ZNF385B: variants seen among roughly 807,000 people sequenced by gnomAD.
ZNF385B encodes the protein zinc finger protein 385B.
ZNF385B carries 23 observed loss-of-function variants against 39.2 expected under a neutral mutation model. That is an observed-to-expected ratio of 0.59 (90% CI 0.42 to 0.83). ZNF385B has a LOEUF of 0.83. ZNF385B is among the 40% of genes least tolerant of loss of function. ZNF385B has a pLI of 0.00. For synonymous variants in ZNF385B, 205 were observed against 222.6 expected (o/e 0.92, Z 0.70); for missense variants, 552 against 598.9 (o/e 0.92, Z 0.82).
At chr2:179,661,928 A>C (rs1339052437) in intron 3 of ZNF385B, among the ~76,000 whole-genome samples, 1 of 152,250 alleles carries the variant, frequency 6.6e-6, no homozygotes, top group East Asian at 1.9e-4. Context: ...TTGCCATTTA[A>C]AAATGGTTTT....
At chr2:179,780,262 C>T (rs967358792) in intron 1 of ZNF385B, among the ~76,000 whole-genome samples, 1 of 152,154 alleles carries the variant, frequency 6.6e-6, no homozygotes, top group Non-Finnish European at 1.5e-5. Context: ...GTCTCCTTAG[C>T]CCCTAGAAAA....
At chr2:179,713,796 T>C (rs1034380006) in intron 3 of ZNF385B, among the ~76,000 whole-genome samples, 1 of 152,210 alleles carries the variant, frequency 6.6e-6, no homozygotes, top group South Asian at 2.1e-4. Context: ...CTAAGTGTTA[T>C]CTAAAACACT....
At chr2:179,458,243 T>C (rs1330726845) in intron 6 of ZNF385B, among the ~76,000 whole-genome samples, 3 of 152,188 alleles carry the variant, frequency 2.0e-5, no homozygotes, top group Non-Finnish European at 4.4e-5. Flanking sequence ...TTTCTCATGC[T>C]GTTCTCGTGA....
intron 3 of ZNF385B, among the ~76,000 whole-genome samples, chr2:179,546,654 T>C (rs548440760): frequency 1.4e-4 from 21 of 152,330 alleles, no homozygotes; most frequent in Non-Finnish European, 1.5e-4. Context: ...TTCCAAATCT[T>C]GGCTATTGTG....
intron 6 of ZNF385B, among the ~76,000 whole-genome samples, chr2:179,458,470 C>G (rs905254144): frequency 4.6e-5 from 7 of 152,086 alleles, no homozygotes; most frequent in Non-Finnish European, 1.0e-4. Flanking sequence ...TGGACTAATA[C>G]AGAATATTAC....
At chr2:179,810,023 A>C (rs1030010663) in intron 1 of ZNF385B, among the ~76,000 whole-genome samples, 1 of 152,052 alleles carries the variant, frequency 6.6e-6, no homozygotes, top group African/African-American at 2.4e-5. Flanking sequence ...AAACAGAAAG[A>C]TTGATATATG....
At chr2:179,518,884 A>G (rs535858465) in intron 4 of ZNF385B, among the ~76,000 whole-genome samples, 47 of 152,364 alleles carry the variant, frequency 3.1e-4, no homozygotes, top group African/African-American at 8.2e-4. Flanking sequence ...GAGAATCACC[A>G]TATTTCCAGA....
chr2:179,581,747 G>T (rs34721549), intron 3 of ZNF385B, among the ~76,000 whole-genome samples: 31,818 of 152,124 alleles, frequency 0.21, 3,499 homozygotes, highest in Middle Eastern at 0.26. Context: ...CCACATGACT[G>T]GGTTCTGGCC....
chr2:179,616,775 C>T (rs1293189023), intron 3 of ZNF385B, among the ~76,000 whole-genome samples: 4 of 152,200 alleles, frequency 2.6e-5, no homozygotes, highest in Middle Eastern at 3.4e-3. Context: ...TGCCCAGGCT[C>T]ATCTTGAACC....
At chr2:179,678,999 G>T (rs1697239027) in intron 3 of ZNF385B, among the ~76,000 whole-genome samples, 3 of 152,098 alleles carry the variant, frequency 2.0e-5, no homozygotes. Flanking sequence ...TAGAAATTGT[G>T]CTTTCTTAGA....
chr2:179,471,966 TC>T (rs1261401256), intron 6 of ZNF385B, among the ~76,000 whole-genome samples: 1 of 152,228 alleles, frequency 6.6e-6, no homozygotes, highest in Non-Finnish European at 1.5e-5. Flanking sequence ...GTACTAATAA[TC>T]TTGTTTCCAT....
intron 1 of ZNF385B, among the ~76,000 whole-genome samples, chr2:179,818,324 G>A (rs899196151): frequency 1.3e-5 from 2 of 152,284 alleles, no homozygotes; most frequent in East Asian, 3.9e-4. Flanking sequence ...ATCCTAAAAT[G>A]ATTTAGCAGC....
intron 1 of ZNF385B, among the ~76,000 whole-genome samples, chr2:179,785,152 G>T (rs2106529688): frequency 1.3e-5 from 2 of 152,148 alleles, no homozygotes; most frequent in South Asian, 2.1e-4. Flanking sequence ...CATAAAGCAT[G>T]AAAACATGTA....
chr2:179,749,872 A>G (rs1361275499), intron 3 of ZNF385B, among the ~76,000 whole-genome samples: 1 of 152,164 alleles, frequency 6.6e-6, no homozygotes, highest in East Asian at 1.9e-4. Context: ...AGCAACTCTT[A>G]TCTTTTAATA....
intron 6 of ZNF385B, among the ~76,000 whole-genome samples, chr2:179,469,722 C>T (rs147006172): frequency 6.6e-5 from 10 of 152,176 alleles, no homozygotes; most frequent in Admixed American, 4.6e-4. Flanking sequence ...GATGCTTGAC[C>T]GAACTTGGGT....
chr2:179,503,398 T>A (rs1020361505), intron 5 of ZNF385B, among the ~76,000 whole-genome samples: 1 of 152,348 alleles, frequency 6.6e-6, no homozygotes, highest in East Asian at 1.9e-4. Flanking sequence ...TCCAATTTAA[T>A]AAGAATTTAC....
intron 1 of ZNF385B, among the ~76,000 whole-genome samples, chr2:179,790,135 T>A (rs1309319806): frequency 6.6e-6 from 1 of 152,182 alleles, no homozygotes; most frequent in Non-Finnish European, 1.5e-5. Flanking sequence ...GAAAACTCCC[T>A]GAGGTGTTGC....
At chr2:179,796,589 C>T (rs1316865448) in intron 1 of ZNF385B, among the ~76,000 whole-genome samples, 2 of 152,170 alleles carry the variant, frequency 1.3e-5, no homozygotes, top group East Asian at 1.9e-4. Context: ...GGAAACAGCT[C>T]GCCTCATTAA....
chr2:179,747,584 C>T (rs553608852), intron 3 of ZNF385B, among the ~76,000 whole-genome samples: 4 of 152,160 alleles, frequency 2.6e-5, no homozygotes, highest in African/African-American at 9.7e-5. Flanking sequence ...AGGAATAGTT[C>T]ATGAGAGATT....
Sources: gnomAD v4.1 joint callset for allele counts (sites outside exome capture counted in the v4.1 genomes callset) on GRCh38, gnomAD v4.1.1 for gene constraint, MANE v1.5 for transcripts, NCBI Gene and HGNC (gene_info 2026-07-23, HGNC 2026-07-21) for gene names.